Variants in SGTB observed in about 807,000 individuals in gnomAD.
SGTB encodes the protein small glutamine-rich tetratricopeptide repeat-containing protein beta.
A neutral mutation model predicts 43.9 loss-of-function variants in SGTB; 19 were observed. The ratio of observed to expected loss-of-function variants is 0.43; its 90% CI spans 0.30 to 0.63. The LOEUF (loss-of-function observed/expected upper bound fraction) is 0.63, where lower values mean the gene tolerates loss of function less well. Among genes scored for constraint, SGTB ranks in the 30% least tolerant of loss-of-function variants. The pLI is 0.12. For synonymous variants in SGTB, 116 were observed against 117.3 expected (o/e 0.99, Z 0.07); for missense variants, 304 against 358.9 (o/e 0.85, Z 1.24).
intron 2 of SGTB, among the ~76,000 whole-genome samples, chr5:65,716,064 C>T (rs1039110045): frequency 3.3e-5 from 5 of 152,344 alleles, no homozygotes; most frequent in African/African-American, 1.2e-4. Context: ...GCCACCGCAC[C>T]CGGCCCACAG....
At chr5:65,694,101 G>A (rs935876857) in intron 5 of SGTB, among the ~76,000 whole-genome samples, 2 of 152,164 alleles carry the variant, frequency 1.3e-5, no homozygotes, top group Non-Finnish European at 2.9e-5. Flanking sequence ...CGGAGGGGAA[G>A]GGCATAGGGG....
rs750413149 is a variant in SGTB at position 65,704,303 on chromosome 5, T to C, written c.350A>G (p.Asn117Ser). The change falls in exon 5 of 11, where the codon AAT (asparagine) becomes AGT (serine). Residue 117 changes from asparagine (N) to serine (S), a missense_variant. Physicochemically the swap from Asn to Ser is conservative, Grantham distance 46. Transcript: ENST00000381007. ...CCTGTTGCAATAGTAAACTGCATTA[T>C]TGGGATCCAATTCTATTGCCTGTGT... ...CYTQAIELDPNNAVYYCNRAA... is the reference protein window; with the variant it reads ...CYTQAIELDPSNAVYYCNRAA... The C allele has an allele frequency of 3.1e-6, 5 of 1,611,890 alleles. No homozygotes were observed. Among genetic ancestry groups the C allele is most frequent in the Middle Eastern group, 1.6e-4 (1 of 6,076 alleles).
chr5:65,698,932 G>A (rs1438385608), intron 5 of SGTB, among the ~76,000 whole-genome samples: 1 of 152,094 alleles, frequency 6.6e-6, no homozygotes, highest in Admixed American at 6.6e-5. Flanking sequence ...CACTGCTAGT[G>A]GAAATGTAAA....
At chr5:65,694,249 G>A (rs1757673516) in intron 5 of SGTB, among the ~76,000 whole-genome samples, 1 of 151,898 alleles carries the variant, frequency 6.6e-6, no homozygotes, top group African/African-American at 2.4e-5. Context: ...GGCCAACATA[G>A]TGAAACCCCG....
intron 10 of SGTB, 56 bp from the exon 11 acceptor site, chr5:65,670,413 C>A (rs1017313801): frequency 6.9e-6 from 10 of 1,444,544 alleles, no homozygotes; most frequent in African/African-American, 4.2e-5. Context: ...CATTTACCCA[C>A]GCAAAAAGAA....
upstream of SGTB, chr5:65,722,205 A>G: frequency 2.9e-6 from 1 of 341,164 alleles, no homozygotes; most frequent in Non-Finnish European, 5.2e-6. Flanking sequence ...CGGGGCTGGT[A>G]GGCGCCGGCG....
At chr5:65,674,374 T>C (rs1757222511) in intron 8 of SGTB, among the ~76,000 whole-genome samples, 1 of 152,168 alleles carries the variant, frequency 6.6e-6, no homozygotes, top group African/African-American at 2.4e-5. Flanking sequence ...AGACACACTC[T>C]CTCACAATTG....
At chr5:65,702,549 G>A (rs1043773539) in intron 5 of SGTB, among the ~76,000 whole-genome samples, 6 of 152,128 alleles carry the variant, frequency 3.9e-5, no homozygotes, top group Admixed American at 3.3e-4. Flanking sequence ...AAAGAAGTCT[G>A]GGGTCAAACA....
At chr5:65,708,355 C>A in intron 4 of SGTB, 134 bp downstream of exon 4, 2 of 668,252 alleles carry the variant, frequency 3.0e-6, no homozygotes, top group Non-Finnish European at 4.9e-6. Context: ...ACATTCATTT[C>A]TGTTTCGTAA....
Position 65,710,949 on chromosome 5 carries a change from T to G in SGTB, c.204+2012A>C, listed in dbSNP as rs1030576077. Among the ~76,000 whole-genome samples, 38 of 143,216 alleles carry G rather than the reference T, an allele frequency of 2.7e-4. 1 individual carries two copies. The highest frequency in any genetic ancestry group is 9.7e-4 in the African/African-American group (37 of 38,030). 94.0% of individuals were successfully genotyped at this position (143,216 alleles called of 152,430 possible). Reference sequence around the variant, plus strand: ...AGGCAGAAGTTGCAGTCAGCTGAGATCATGCCACTGCATTCTAGCCTGCGC... The same window carrying G: ...AGGCAGAAGTTGCAGTCAGCTGAGAGCATGCCACTGCATTCTAGCCTGCGC... On this transcript the variant is annotated intron_variant, in intron 3 of 10. Transcript: ENST00000381007.
At chr5:65,701,823 C>T (rs1757830461) in intron 5 of SGTB, among the ~76,000 whole-genome samples, 1 of 152,018 alleles carries the variant, frequency 6.6e-6, no homozygotes. Flanking sequence ...TTAGTAGAGA[C>T]AGGGTTTCAC....
chr5:65,701,894 A>C (rs1038695072), intron 5 of SGTB, among the ~76,000 whole-genome samples: 1 of 152,174 alleles, frequency 6.6e-6, no homozygotes, highest in Non-Finnish European at 1.5e-5. Context: ...CGGCGTCCCA[A>C]AGTGCTGGGA....
intron 5 of SGTB, among the ~76,000 whole-genome samples, chr5:65,693,265 G>T (rs1241931582): frequency 1.3e-5 from 2 of 150,030 alleles, no homozygotes; most frequent in African/African-American, 4.9e-5. Flanking sequence ...AGGAAGGAAG[G>T]AAGGAACGAA....
chr5:65,717,704 T>C (rs1561169227), intron 2 of SGTB, among the ~76,000 whole-genome samples: 1 of 152,150 alleles, frequency 6.6e-6, no homozygotes, highest in Non-Finnish European at 1.5e-5. Flanking sequence ...AATGGTCATC[T>C]AGGAAAATAA....
At chr5:65,670,919 A>G (rs1041481835) in intron 10 of SGTB, among the ~76,000 whole-genome samples, 1 of 152,210 alleles carries the variant, frequency 6.6e-6, no homozygotes, top group African/African-American at 2.4e-5. Flanking sequence ...GGCTTCATAT[A>G]AAATGTCCAG....
chr5:65,692,667 A>C (rs1186827461), intron 5 of SGTB, among the ~76,000 whole-genome samples: 1 of 152,222 alleles, frequency 6.6e-6, no homozygotes, highest in African/African-American at 2.4e-5. Flanking sequence ...GGCATAACAA[A>C]ATACAATGCA....
In SGTB at chr5:65,671,897, G is replaced by A; in HGVS notation, c.803+18C>T. 6.2e-7 allele frequency: 1 copy of A among 1,609,764 alleles called. No individual in the cohort carries two copies. The highest frequency in any genetic ancestry group is 8.5e-7 in the Non-Finnish European group (1 of 1,177,104). ...CATAAAATACATCTTCACTATTTCTGTTTTAAATAATACTTACGCTTGGAT... is the reference window on the plus strand; with the variant it reads ...CATAAAATACATCTTCACTATTTCTATTTTAAATAATACTTACGCTTGGAT... On this transcript the variant is annotated intron_variant, in intron 10 of 10. Coordinates refer to ENST00000381007, the MANE Select transcript of SGTB (RefSeq NM_019072.3).
intron 5 of SGTB, among the ~76,000 whole-genome samples, chr5:65,689,457 C>CA (rs1757561564): frequency 6.6e-6 from 1 of 152,132 alleles, no homozygotes; most frequent in Admixed American, 6.5e-5. Context: ...TCAAAGTTTC[C>CA]ATAATGTCTC....
At chr5:65,673,380 C>T (rs1757196210) in intron 8 of SGTB, among the ~76,000 whole-genome samples, 2 of 152,328 alleles carry the variant, frequency 1.3e-5, no homozygotes, top group Non-Finnish European at 2.9e-5. Flanking sequence ...CTGTTAGGAA[C>T]CAGGCTGCAC....
Sources: allele counts gnomAD v4.1 joint callset (sites outside exome capture counted in the v4.1 genomes callset), GRCh38; gene constraint gnomAD v4.1.1; transcripts MANE v1.5; gene names NCBI Gene and HGNC (gene_info 2026-07-23, HGNC 2026-07-21).